SLC22A24: variants seen among roughly 807,000 people sequenced by gnomAD.
SLC22A24 encodes the protein solute carrier family 22 member 24, also known as steroid transmembrane transporter SLC22A24.
Under a neutral mutation model 49.8 loss-of-function variants are expected in SLC22A24, and 53 were observed. That is an observed-to-expected ratio of 1.06 (90% CI 0.85 to 1.34). The LOEUF is 1.34. Among genes scored for constraint, SLC22A24 ranks in the 40% most tolerant of loss-of-function variants. SLC22A24 has a pLI of 0.00. For synonymous variants in SLC22A24, 302 were observed against 256.4 expected (o/e 1.18, Z -1.70); for missense variants, 786 against 675.9 (o/e 1.16, Z -1.81).
chr11:63,110,939 G>A (rs2087158834), intron 4 of SLC22A24, among the ~76,000 whole-genome samples: 1 of 151,704 alleles, frequency 6.6e-6, no homozygotes, highest in African/African-American at 2.4e-5. Flanking sequence ...TTTTCAAAGG[G>A]AATGCTTCCA....
intron 4 of SLC22A24, among the ~76,000 whole-genome samples, chr11:63,111,592 C>T (rs1396725876): frequency 4.0e-5 from 6 of 151,750 alleles, no homozygotes; most frequent in South Asian, 4.2e-4. Context: ...GTGTATGTGT[C>T]GAGGAATTTA....
intron 6 of SLC22A24, among the ~76,000 whole-genome samples, chr11:63,089,285 G>T (rs934804418): frequency 6.6e-6 from 1 of 152,142 alleles, no homozygotes; most frequent in Non-Finnish European, 1.5e-5. Context: ...TTAAAGAAAA[G>T]AATTTTCAAC....
chr11:63,104,973 G>C (rs2087111476), intron 4 of SLC22A24, among the ~76,000 whole-genome samples: 1 of 152,218 alleles, frequency 6.6e-6, no homozygotes, highest in African/African-American at 2.4e-5. Context: ...AAGCAAGTTA[G>C]TTATTTCCTA....
intron 4 of SLC22A24, among the ~76,000 whole-genome samples, chr11:63,114,772 C>A (rs1254350228): frequency 6.6e-6 from 1 of 152,060 alleles, no homozygotes; most frequent in Non-Finnish European, 1.5e-5. Flanking sequence ...GATGGTGATG[C>A]TATTCCTTTC....
chr11:63,098,012 A>G (rs530077435), intron 5 of SLC22A24, among the ~76,000 whole-genome samples: 1 of 152,130 alleles, frequency 6.6e-6, no homozygotes, highest in South Asian at 2.1e-4. Context: ...GGTGCAGCAA[A>G]CCACCATGGC....
At chr11:63,082,812 G>C (rs1294824225) in intron 7 of SLC22A24, among the ~76,000 whole-genome samples, 3 of 152,240 alleles carry the variant, frequency 2.0e-5, no homozygotes, top group African/African-American at 7.2e-5. Flanking sequence ...GGACAAGTTA[G>C]AGAGACCTCA....
At chr11:63,127,730 T>C (rs988650173) in intron 2 of SLC22A24, among the ~76,000 whole-genome samples, 2 of 152,230 alleles carry the variant, frequency 1.3e-5, no homozygotes, top group Non-Finnish European at 2.9e-5. Flanking sequence ...TGATGACTAG[T>C]GATGATGAAC....
chr11:63,143,882 T>A lies in SLC22A24; in HGVS notation c.-103A>T, dbSNP rs1453668046. ...TTCACAAAGTTACCATAGTGCCATG[T>A]GGATCCTGACACTGCTTTCTTCTTG... On this transcript the variant is annotated 5_prime_UTR_variant, in exon 1 of 10. Coordinates refer to ENST00000612278, the MANE Select transcript of SLC22A24 (RefSeq NM_001136506.2). 6.0e-6 allele frequency: 6 copies of A among 1,001,234 alleles called. No homozygotes were observed. Among genetic ancestry groups the A allele is most frequent in the Non-Finnish European group, 7.9e-6 (6 of 758,342 alleles). 62.0% of individuals were successfully genotyped at this position (1,001,234 alleles called of 1,614,324 possible). A position where few individuals can be genotyped will look rare whatever the true frequency, so the allele number is the denominator to read the frequency against.
At position 63,119,203 on chromosome 11, in the gene SLC22A24, A is replaced by T; in HGVS notation, c.639T>A (p.Ile213=). ...RFLAGFSTMT[I]LGNTFILSLE... ...TACTGAGAATAAAAGTGTTTCCCAA[A>T]ATAGTCATGGTGGAGAACCCTGCCA... The change falls in exon 3 of 10, where the codon ATT becomes ATA. Residue 213 remains isoleucine, a synonymous_variant. Transcript: ENST00000612278. 1.3e-6 allele frequency: 2 copies of T among 1,544,528 alleles called. No individual in the cohort carries two copies. The highest frequency in any genetic ancestry group is 1.7e-6 in the Non-Finnish European group (2 of 1,144,848).
chr11:63,103,017 G>C (rs909085367), intron 5 of SLC22A24, among the ~76,000 whole-genome samples: 9 of 152,086 alleles, frequency 5.9e-5, no homozygotes, highest in African/African-American at 1.9e-4. Context: ...ATATAAGTAG[G>C]CTTGTTCACA....
intron 1 of SLC22A24, among the ~76,000 whole-genome samples, chr11:63,138,838 GTT>G (rs200364772): frequency 6.6e-6 from 1 of 151,700 alleles, no homozygotes; most frequent in Non-Finnish European, 1.5e-5. Context: ...ATTTAATAAG[GTT>G]TTTTCCCCCC....
In SLC22A24 at chr11:63,105,938, A is replaced by G. The variant is rs182212251; in HGVS notation, c.831-1640T>C. ...ACTGAATTTTTTTCTTTTAAATTTT[A>G]TTATTATTATACTTTAAGTTTTAGG... is the stretch of plus-strand genomic sequence containing the variant. On this transcript the variant is annotated intron_variant, in intron 4 of 9. Transcript: ENST00000612278. Among the ~76,000 whole-genome samples, 4 of 151,898 alleles carry G rather than the reference A, an allele frequency of 2.6e-5. No homozygotes were observed. In the East Asian group the frequency reaches 7.7e-4, roughly 29 times the overall value.
At chr11:63,127,686 T>C (rs2087301477) in intron 2 of SLC22A24, among the ~76,000 whole-genome samples, 1 of 152,208 alleles carries the variant, frequency 6.6e-6, no homozygotes, top group Non-Finnish European at 1.5e-5. Context: ...TGGTGTGAGA[T>C]GGTATCTCAT....
At chr11:63,143,325 T>A (rs1316003755) in intron 1 of SLC22A24, 53 bp downstream of exon 1, 1 of 1,378,938 alleles carries the variant, frequency 7.3e-7, no homozygotes, top group African/African-American at 1.5e-5. Flanking sequence ...TTTTTTGTGT[T>A]AACTCCAAAC....
intron 4 of SLC22A24, among the ~76,000 whole-genome samples, chr11:63,115,716 GT>G (rs913261141): frequency 6.6e-6 from 1 of 151,438 alleles, no homozygotes; most frequent in Non-Finnish European, 1.5e-5. Context: ...ACCCGGTTTT[GT>G]TTTTTTTATA....
chr11:63,114,937 T>G (rs914233725), intron 4 of SLC22A24, among the ~76,000 whole-genome samples: 24 of 152,284 alleles, frequency 1.6e-4, no homozygotes, highest in African/African-American at 4.6e-4. Context: ...TCTGGAAGCT[T>G]CGTCTCAGAA....
chr11:63,119,465 G>T, intron 2 of SLC22A24, 130 bp from the exon 3 acceptor site: 1 of 870,606 alleles, frequency 1.1e-6, no homozygotes, highest in Non-Finnish European at 1.7e-6. Context: ...GACACCGGGT[G>T]GCATAATTAT....
At chr11:63,139,179 A>AT (rs543945966) in intron 1 of SLC22A24, among the ~76,000 whole-genome samples, 39 of 150,086 alleles carry the variant, frequency 2.6e-4, no homozygotes, top group African/African-American at 6.8e-4. Flanking sequence ...ATTTTTCTCC[A>AT]TTTTTTTTTG....
intron 4 of SLC22A24, among the ~76,000 whole-genome samples, chr11:63,112,623 C>T (rs1357982827): frequency 6.6e-6 from 1 of 152,024 alleles, no homozygotes; most frequent in Non-Finnish European, 1.5e-5. Context: ...TTCAGTTGTG[C>T]TCAGATCTTA....
Sources: allele counts gnomAD v4.1 joint callset (sites outside exome capture counted in the v4.1 genomes callset), GRCh38; gene constraint gnomAD v4.1.1; transcripts MANE v1.5; gene names NCBI Gene and HGNC (gene_info 2026-07-23, HGNC 2026-07-21).